EP400: variants seen among roughly 807,000 people sequenced by gnomAD.
The protein encoded by EP400 is E1A-binding protein p400.
A neutral mutation model predicts 354.1 loss-of-function variants in EP400; 105 were observed. That is an observed-to-expected ratio of 0.30 (90% CI 0.25 to 0.35). The LOEUF (loss-of-function observed/expected upper bound fraction) is 0.35, where lower values mean the gene tolerates loss of function less well. Among genes scored for constraint, EP400 ranks in the 10% least tolerant of loss-of-function variants. EP400 has a pLI of 1.00. For missense variants in EP400, 3,280 were observed against 4,121.0 expected (o/e 0.80, Z 5.59); for synonymous variants, 1,646 against 1,716.9 (o/e 0.96, Z 1.02).
chr12:131,988,959 A>G (rs1274703700), intron 7 of EP400, among the ~76,000 whole-genome samples: 2 of 152,354 alleles, frequency 1.3e-5, no homozygotes, highest in Admixed American at 6.5e-5. Context: ...CTGAGGGTCA[A>G]GGGTCTCAAG....
intron 30 of EP400, among the ~76,000 whole-genome samples, chr12:132,036,500 G>A (rs529600071): frequency 1.3e-4 from 20 of 152,270 alleles, no homozygotes; most frequent in Non-Finnish European, 2.6e-4. Context: ...TCACACTGAC[G>A]TGGCTGCTGG....
rs563564087 is a variant in EP400, at chr12:132,018,693, CAT to C, written c.4277+318_4277+319del. Reference sequence around the variant, plus strand: ...TGGAGGCTGGTGTGGCCGAACCACACATGTGTCGTGAGTGTGGCAGGCAGAGG... The same window carrying C: ...TGGAGGCTGGTGTGGCCGAACCACACGTGTCGTGAGTGTGGCAGGCAGAGG... On this transcript the variant is annotated intron_variant, in intron 21 of 52. Coordinates refer to ENST00000389561, the MANE Select transcript of EP400 (RefSeq NM_015409.5). The surrounding 1 kb of genome is among the most constrained non-coding windows in gnomAD (Gnocchi z 4.0). 6.0e-4 allele frequency among the ~76,000 whole-genome samples: 92 copies of C among 152,250 alleles called. No homozygotes were observed. The highest frequency in any genetic ancestry group is 2.0e-3 in the African/African-American group (83 of 41,546).
rs1893012086 is a variant in EP400, at chr12:131,990,940, G to C, written c.2629+226G>C. 6.6e-6 allele frequency among the ~76,000 whole-genome samples: 1 copy of C among 152,178 alleles called. No homozygotes were observed. The highest frequency in any genetic ancestry group is 1.5e-5 in the Non-Finnish European group (1 of 68,034). ...GCACCCCCAAGTTGATAAACTCTGG[G>C]ACACAGAACTGGGGTTCAGTCCCTG... On this transcript the variant is annotated intron_variant, in intron 9 of 52. Coordinates refer to ENST00000389561, the MANE Select transcript of EP400 (RefSeq NM_015409.5). The surrounding 1 kb of genome is among the most constrained non-coding windows in gnomAD (Gnocchi z 4.2).
chr12:132,031,137 C>A, intron 29 of EP400: 2 of 441,996 alleles, frequency 4.5e-6, no homozygotes, highest in East Asian at 5.8e-5. Flanking sequence ...GCACAGAAAT[C>A]GTTATGGAAG....
In EP400 at chr12:132,015,984, G is replaced by A. The variant is rs188753619; in HGVS notation, c.3924-1551G>A. Among the ~76,000 whole-genome samples, 11 of 152,260 alleles carry A rather than the reference G, an allele frequency of 7.2e-5. No individual in the cohort carries two copies. In the East Asian group the frequency reaches 1.9e-3, roughly 27 times the overall value. On this transcript the variant is annotated intron_variant, in intron 19 of 52. Coordinates refer to ENST00000389561, the MANE Select transcript of EP400 (RefSeq NM_015409.5). ...AGCTGCCAGACCAGACTCCCTACCT[G>A]CCCAGACCCCCCTGTGCTTGTGCCG...
intron 30 of EP400, among the ~76,000 whole-genome samples, chr12:132,034,517 G>A (rs910254457): frequency 3.3e-5 from 5 of 152,240 alleles, no homozygotes; most frequent in African/African-American, 1.2e-4. Context: ...CAGTGTGGAC[G>A]TCCTGATGAA....
chr12:132,050,578 G>C lies in EP400; in HGVS notation c.7338-21G>C. On this transcript the variant is annotated intron_variant, in intron 40 of 52. Coordinates refer to ENST00000389561, the MANE Select transcript of EP400 (RefSeq NM_015409.5). This position sits in a 1 kb window ranked among gnomAD's most constrained non-coding sequence, Gnocchi z 4.8. ...ATATTTCCTTTATTTAATAATTGCT[G>C]TCTCACTGTCTATACTTCAGGCTTG... 2.5e-6 allele frequency: 4 copies of C among 1,614,060 alleles called. No individual in the cohort carries two copies. In the South Asian group the frequency reaches 4.4e-5, roughly 18 times the overall value.
chr12:131,985,273 C>A (rs980294914), intron 5 of EP400, among the ~76,000 whole-genome samples: 1 of 152,256 alleles, frequency 6.6e-6, no homozygotes, highest in African/African-American at 2.4e-5. Context: ...TCCAGCTTTG[C>A]GAGCTGTTCA....
intron 2 of EP400, among the ~76,000 whole-genome samples, chr12:131,969,634 A>G (rs974885108): frequency 5.3e-5 from 8 of 152,072 alleles, no homozygotes; most frequent in African/African-American, 1.4e-4. Context: ...GTATATATAT[A>G]TATATTCTTT....
intron 45 of EP400, among the ~76,000 whole-genome samples, chr12:132,058,843 GGGGTA>G (rs1895600704): frequency 6.6e-6 from 1 of 150,998 alleles, no homozygotes; most frequent in African/African-American, 2.4e-5. Context: ...CTGGAGTGCA[GGGGTA>G]CAATCACAGC....
At chr12:132,040,976 G>A (rs1264308094) in intron 32 of EP400, among the ~76,000 whole-genome samples, 1 of 152,190 alleles carries the variant, frequency 6.6e-6, no homozygotes, top group Non-Finnish European at 1.5e-5. Flanking sequence ...CAAGGCTGGT[G>A]AGGACAACTG....
chr12:131,961,889 G>A lies in EP400; in HGVS notation c.1270G>A (p.Asp424Asn). Residue 424 changes from aspartate to asparagine, a missense_variant, in exon 2 of 53, where the codon GAC (aspartate) becomes AAC (asparagine). Transcript: ENST00000389561. ...AGCATATCTTAGGCAGAATGATTTG[G>A]ACATTGAAGAAGAGGAGGAGGAGGA... ...LQAYLRQNDL[D>N]IEEEEEEEEE... is the part of the protein sequence containing the mutation. The A allele has an allele frequency of 2.5e-6, 4 of 1,614,190 alleles. No homozygotes were observed. Among genetic ancestry groups the A allele is most frequent in the Non-Finnish European group, 3.4e-6 (4 of 1,180,038 alleles).
chr12:131,977,147 G>GT (rs1459864259), intron 2 of EP400, among the ~76,000 whole-genome samples: 1 of 151,692 alleles, frequency 6.6e-6, no homozygotes, highest in Non-Finnish European at 1.5e-5. Context: ...TTTTGTTTTT[G>GT]TTTTTTTGAG....
intron 13 of EP400, 115 bp from the exon 14 acceptor site, chr12:132,005,997 T>A (rs1358173162): frequency 1.0e-6 from 1 of 966,716 alleles, no homozygotes; most frequent in African/African-American, 1.7e-5. Flanking sequence ...AATTATTGCC[T>A]AATTCAGTAT....
At chr12:132,009,624 A>G (rs1425658439) in intron 15 of EP400, among the ~76,000 whole-genome samples, 5 of 152,176 alleles carry the variant, frequency 3.3e-5, no homozygotes, top group East Asian at 1.9e-4. Flanking sequence ...ATAGAGGCCT[A>G]TCAGGCCCTG....
Position 132,054,854 on chromosome 12 carries a change from G to A in EP400, c.7729-120G>A. 1 of 1,026,204 alleles carries A rather than the reference G, an allele frequency of 9.7e-7. No individual in the cohort carries two copies. The highest frequency in any genetic ancestry group is 1.5e-6 in the Non-Finnish European group (1 of 659,034). The allele number at this position is 1,026,204 out of a possible 1,614,324, so 63.6% of individuals were successfully genotyped here. A position where few individuals can be genotyped will look rare whatever the true frequency, so the allele number is the denominator to read the frequency against. On this transcript the variant is annotated intron_variant, in intron 43 of 52. Transcript: ENST00000389561. The surrounding 1 kb of genome is among the most constrained non-coding windows in gnomAD (Gnocchi z 4.0). ...GGAATGAGCTGGGGAGGATGGGACAGGTGGCTGTGTGAATGTCGTGGAGTT... is the reference window on the plus strand; with the variant it reads ...GGAATGAGCTGGGGAGGATGGGACAAGTGGCTGTGTGAATGTCGTGGAGTT...
At chr12:132,062,014 C>T in intron 45 of EP400, 96 bp from the exon 46 acceptor site, 1 of 1,072,632 alleles carries the variant, frequency 9.3e-7, no homozygotes, top group African/African-American at 1.6e-5. Flanking sequence ...TGTTTCGCCT[C>T]TGAAGTTGGG....
chr12:132,041,414 T>C (rs1593367626), intron 32 of EP400, among the ~76,000 whole-genome samples: 1 of 152,246 alleles, frequency 6.6e-6, no homozygotes, highest in Non-Finnish European at 1.5e-5. Flanking sequence ...CCCCCAGCGG[T>C]GCTGCCTCTT....
rs527527966 is a variant in EP400, at chr12:131,976,381, G to A, written c.1336-3313G>A. Among the ~76,000 whole-genome samples the A allele has an allele frequency of 8.5e-5, 13 of 152,250 alleles. No individual in the cohort carries two copies. The East Asian group carries it at 2.5e-3, about 29-fold the overall frequency. ...GGGTTCTGTTATATTCTTCTGAAAC[G>A]TATTTATTTTCTTTAACACTTAACT... is the stretch of plus-strand genomic sequence containing the variant. On this transcript the variant is annotated intron_variant, in intron 2 of 52. Coordinates refer to ENST00000389561, the MANE Select transcript of EP400 (RefSeq NM_015409.5).
Sources: allele counts gnomAD v4.1 joint callset (sites outside exome capture counted in the v4.1 genomes callset), GRCh38; gene constraint gnomAD v4.1.1; non-coding constraint Gnocchi (gnomAD v3.1); transcripts MANE v1.5; gene names NCBI Gene and HGNC (gene_info 2026-07-23, HGNC 2026-07-21).